The following LRRTM4 variants were observed in gnomAD, a reference collection of about 807,000 sequenced individuals.
LRRTM4 encodes leucine rich repeat transmembrane neuronal 4.
In LRRTM4, 25 loss-of-function variants were observed where a neutral mutation model predicts 47.6. That is an observed-to-expected ratio of 0.53 (90% CI 0.38 to 0.73). The LOEUF (loss-of-function observed/expected upper bound fraction) is 0.73, where lower values mean the gene tolerates loss of function less well. Ranked by LOEUF, LRRTM4 falls within the 30% of genes least tolerant of loss-of-function variation. The pLI, the probability that LRRTM4 is intolerant of heterozygous loss-of-function variation, is 0.00. For synonymous variants in LRRTM4, 311 were observed against 269.5 expected (o/e 1.15, Z -1.51); for missense variants, 638 against 713.4 (o/e 0.89, Z 1.20).
At chr2:76,925,005 T>A (rs1573321105) in intron 3 of LRRTM4, among the ~76,000 whole-genome samples, 1 of 152,132 alleles carries the variant, frequency 6.6e-6, no homozygotes. Flanking sequence ...TGAGAGAGAC[T>A]TGTAACTTAC....
At chr2:77,362,275 C>T (rs1672273859) in intron 3 of LRRTM4, among the ~76,000 whole-genome samples, 2 of 152,116 alleles carry the variant, frequency 1.3e-5, no homozygotes, top group African/African-American at 2.4e-5. Context: ...TCTTAACAAA[C>T]ACATTTCACC....
chr2:77,446,489 T>C (rs10189582), intron 3 of LRRTM4, among the ~76,000 whole-genome samples: 60 of 152,218 alleles, frequency 3.9e-4, no homozygotes, highest in African/African-American at 1.4e-3. Flanking sequence ...TTATATTGAA[T>C]ATTAACAGAA....
chr2:76,811,705 T>A (rs555315305), intron 3 of LRRTM4, among the ~76,000 whole-genome samples: 1 of 152,180 alleles, frequency 6.6e-6, no homozygotes, highest in Non-Finnish European at 1.5e-5. Flanking sequence ...TGCACCCATC[T>A]TTAGAAGGGT....
intron 3 of LRRTM4, among the ~76,000 whole-genome samples, chr2:77,036,334 G>A (rs955476956): frequency 2.6e-5 from 4 of 151,676 alleles, no homozygotes; most frequent in Non-Finnish European, 4.4e-5. Context: ...TCATGGACTA[G>A]AGTATTATTA....
At chr2:77,360,824 T>C (rs969149621) in intron 3 of LRRTM4, among the ~76,000 whole-genome samples, 4 of 152,178 alleles carry the variant, frequency 2.6e-5, no homozygotes, top group Admixed American at 2.0e-4. Context: ...ACTCTTATTC[T>C]ATTACCTGTT....
At chr2:77,416,855 G>T (rs1022718404) in intron 3 of LRRTM4, among the ~76,000 whole-genome samples, 3 of 151,584 alleles carry the variant, frequency 2.0e-5, no homozygotes, top group African/African-American at 7.3e-5. Flanking sequence ...ATTTTTTTAG[G>T]TCTATTTATA....
At chr2:76,776,556 C>A (rs1674005013) in intron 3 of LRRTM4, among the ~76,000 whole-genome samples, 1 of 152,152 alleles carries the variant, frequency 6.6e-6, no homozygotes, top group African/African-American at 2.4e-5. Flanking sequence ...TAAATGTCTT[C>A]TTTTGAGAAG....
At chr2:77,334,260 T>C (rs777316135) in intron 3 of LRRTM4, among the ~76,000 whole-genome samples, 24 of 152,174 alleles carry the variant, frequency 1.6e-4, no homozygotes, top group Non-Finnish European at 3.5e-4. Context: ...TTTGGAGGAC[T>C]ACTGGGAAGG....
intron 3 of LRRTM4, among the ~76,000 whole-genome samples, chr2:77,321,328 A>ATT (rs1221457016): frequency 6.6e-6 from 1 of 152,112 alleles, no homozygotes; most frequent in Non-Finnish European, 1.5e-5. Flanking sequence ...AATAAAATCA[A>ATT]TTTTTCAGCT....
At chr2:77,221,301 C>A (rs1023732429) in intron 3 of LRRTM4, among the ~76,000 whole-genome samples, 2 of 151,898 alleles carry the variant, frequency 1.3e-5, no homozygotes, top group Non-Finnish European at 2.9e-5. Context: ...CATCAACTAA[C>A]GAGCAAAATA....
intron 3 of LRRTM4, among the ~76,000 whole-genome samples, chr2:77,233,275 CT>C (rs1675015391): frequency 1.3e-5 from 2 of 152,134 alleles, no homozygotes; most frequent in South Asian, 4.1e-4. Flanking sequence ...CTTTAATCCT[CT>C]TTGGCATAGT....
chr2:77,321,556 G>A (rs868174628), intron 3 of LRRTM4, among the ~76,000 whole-genome samples: 2 of 101,640 alleles, frequency 2.0e-5, no homozygotes, highest in Non-Finnish European at 3.7e-5. Context: ...TCGGGGAGGG[G>A]GGGGGGTGTG....
intron 3 of LRRTM4, among the ~76,000 whole-genome samples, chr2:77,243,432 A>AAG (rs1675330354): frequency 2.6e-4 from 10 of 38,218 alleles, no homozygotes; most frequent in Non-Finnish European, 6.0e-4. Context: ...AAATAAAAAA[A>AAG]ATAAAAAAAA....
chr2:76,752,603 A>G (rs1225793375), intron 3 of LRRTM4, among the ~76,000 whole-genome samples: 1 of 152,086 alleles, frequency 6.6e-6, no homozygotes, highest in Non-Finnish European at 1.5e-5. Flanking sequence ...GCTTTGAAAG[A>G]GTATCTGAAA....
At chr2:77,481,380 G>T (rs1017968897) in intron 3 of LRRTM4, among the ~76,000 whole-genome samples, 1 of 152,104 alleles carries the variant, frequency 6.6e-6, no homozygotes, top group Admixed American at 6.5e-5. Flanking sequence ...TCTTAACAAT[G>T]AATAATACCT....
At chr2:77,078,603 A>T (rs901647081) in intron 3 of LRRTM4, among the ~76,000 whole-genome samples, 1 of 152,204 alleles carries the variant, frequency 6.6e-6, no homozygotes, top group Non-Finnish European at 1.5e-5. Flanking sequence ...ATGGTAAAAC[A>T]ATTGCCATTA....
chr2:76,789,814 T>G (rs116448749), intron 3 of LRRTM4, among the ~76,000 whole-genome samples: 2 of 152,286 alleles, frequency 1.3e-5, no homozygotes, highest in Non-Finnish European at 2.9e-5. Flanking sequence ...CATTTTATTA[T>G]TTTTTCCATA....
At chr2:77,113,905 G>A (rs1330049994) in intron 3 of LRRTM4, among the ~76,000 whole-genome samples, 1 of 152,130 alleles carries the variant, frequency 6.6e-6, no homozygotes, top group Non-Finnish European at 1.5e-5. Context: ...ATATGGCCCA[G>A]GGCTGTCCTA....
Position 77,518,757 on chromosome 2 carries a change from G to A in LRRTM4, c.1112C>T (p.Ser371Leu). The A allele has an allele frequency of 6.2e-7, 1 of 1,613,306 alleles. No homozygotes were observed. Among genetic ancestry groups the A allele is most frequent in the Non-Finnish European group, 8.5e-7 (1 of 1,179,584 alleles). ...CTGGGGAGTTTGGGGCACCAGGTGT[G>A]ATCTTTCTGTGTTGACCACCTGGAC... ...SEVQVVNTERSHLVPQTPQKP... is the reference protein window; with the variant it reads ...SEVQVVNTERLHLVPQTPQKP... The change falls in exon 3 of 4, where the codon TCA (serine) becomes TTA (leucine). Residue 371 changes from serine (S) to leucine (L), a missense_variant. Ser to Leu is a moderately radical substitution (Grantham distance 145, BLOSUM62 -2). Coordinates refer to ENST00000409884, the MANE Select transcript of LRRTM4 (RefSeq NM_001134745.3).
Sources: allele counts gnomAD v4.1 joint callset (sites outside exome capture counted in the v4.1 genomes callset), GRCh38; gene constraint gnomAD v4.1.1; transcripts MANE v1.5; gene names NCBI Gene and HGNC (gene_info 2026-07-23, HGNC 2026-07-21).